The following ACOXL variants were observed in gnomAD, a reference collection of about 807,000 sequenced individuals.
The protein encoded by ACOXL is acyl-coenzyme A oxidase-like protein.
Under a neutral mutation model 71.9 loss-of-function variants are expected in ACOXL, and 70 were observed. The observed-to-expected ratio is 0.97, with a 90% CI of 0.80 to 1.19. The LOEUF is 1.19. Ranked by LOEUF, ACOXL falls within the 50% of genes most tolerant of loss-of-function variation. The pLI, the probability that ACOXL is intolerant of heterozygous loss-of-function variation, is 0.00. For synonymous variants in ACOXL, 253 were observed against 281.6 expected (o/e 0.90, Z 1.02); for missense variants, 703 against 736.3 (o/e 0.95, Z 0.52).
At chr2:111,091,854 A>C (rs570440569) in intron 16 of ACOXL, among the ~76,000 whole-genome samples, 1 of 152,346 alleles carries the variant, frequency 6.6e-6, no homozygotes. Flanking sequence ...GATACGCCAG[A>C]ACCCCAAGAA....
rs575668208 is a variant in ACOXL at position 111,015,421 on chromosome 2, C to G, written c.1282-16206C>G. Among the ~76,000 whole-genome samples the G allele has an allele frequency of 2.0e-5, 3 of 152,216 alleles. No homozygotes were observed. In the East Asian group the frequency reaches 5.8e-4, roughly 29 times the overall value. On this transcript the variant is annotated intron_variant, in intron 14 of 17. Transcript: ENST00000439055. ...GGAAATTAAAACCACAGTGAAACAC[C>G]ACGACACACCCACTGAAATGATTAA...
At position 111,047,017 on chromosome 2, in the gene ACOXL, G is replaced by C. The variant is rs143919830; in HGVS notation, c.1370-2201G>C. On this transcript the variant is annotated intron_variant, in intron 15 of 17. Coordinates refer to ENST00000439055, the MANE Select transcript of ACOXL (RefSeq NM_001142807.4). ...CAGAAATCAAAGTGGCAGCACTACT[G>C]TGGGAAAGTGGTGCATCCAAGGGAC... Among the ~76,000 whole-genome samples the C allele has an allele frequency of 5.8e-4, 88 of 152,336 alleles. 2 individuals are homozygous for C. In the East Asian group the frequency reaches 0.013, roughly 22 times the overall value.
intron 12 of ACOXL, chr2:110,963,820 C>T: frequency 6.9e-7 from 1 of 1,444,984 alleles, no homozygotes; most frequent in East Asian, 2.4e-5. Context: ...AGGTGCTTTC[C>T]TGTTAGGCAC....
chr2:110,781,156 C>G (rs1386582466), intron 2 of ACOXL, among the ~76,000 whole-genome samples: 1 of 152,220 alleles, frequency 6.6e-6, no homozygotes, highest in Non-Finnish European at 1.5e-5. Context: ...GATGGTTACA[C>G]AGGTAGATAA....
intron 10 of ACOXL, among the ~76,000 whole-genome samples, chr2:110,841,878 T>C (rs1346090852): frequency 6.6e-6 from 1 of 152,206 alleles, no homozygotes; most frequent in Non-Finnish European, 1.5e-5. Flanking sequence ...ATTTCTGTCT[T>C]GGTCTCTACT....
chr2:110,832,424 G>A (rs1031824826), intron 9 of ACOXL, among the ~76,000 whole-genome samples: 6 of 151,782 alleles, frequency 4.0e-5, no homozygotes, highest in Non-Finnish European at 7.4e-5. Context: ...TGTAGTCCCA[G>A]CTACTCGGGA....
intron 10 of ACOXL, among the ~76,000 whole-genome samples, chr2:110,881,913 G>A (rs4849164): frequency 0.33 from 50,564 of 151,262 alleles, 8,575 homozygotes; most frequent in Middle Eastern, 0.39. Flanking sequence ...TTGGGGAGCT[G>A]TTTCCAATAA....
At chr2:110,926,615 T>C (rs979789422) in intron 11 of ACOXL, among the ~76,000 whole-genome samples, 7 of 152,184 alleles carry the variant, frequency 4.6e-5, no homozygotes, top group African/African-American at 1.4e-4. Flanking sequence ...GAGTGAATAT[T>C]TGAACATGCT....
chr2:110,844,466 C>T (rs1326904951), intron 10 of ACOXL, among the ~76,000 whole-genome samples: 1 of 152,108 alleles, frequency 6.6e-6, no homozygotes. Flanking sequence ...GGCTTTTCTT[C>T]CCCTCGGCCA....
rs188216052 is a variant in ACOXL at position 111,063,771 on chromosome 2, C to T, written c.1440+14483C>T. Among the ~76,000 whole-genome samples the T allele has an allele frequency of 4.6e-5, 7 of 152,214 alleles. No homozygotes were observed. In the East Asian group the frequency reaches 1.4e-3, roughly 29 times the overall value. On this transcript the variant is annotated intron_variant, in intron 16 of 17. Transcript: ENST00000439055. ...TCAATGTAGTACTAGGAGTTCTAGC[C>T]AGTGCAATAAGGCAAGATACAGAAA...
chr2:110,957,183 G>A (rs1331886768), intron 12 of ACOXL, among the ~76,000 whole-genome samples: 12 of 147,666 alleles, frequency 8.1e-5, no homozygotes, highest in Admixed American at 1.4e-4. Context: ...ACCACCCATC[G>A]ACCCCACCAA....
chr2:110,943,190 G>A lies in ACOXL; in HGVS notation c.1059+9548G>A, dbSNP rs1156331560. 2.8e-5 allele frequency among the ~76,000 whole-genome samples: 4 copies of A among 144,748 alleles called. No individual in the cohort carries two copies. In the East Asian group the frequency reaches 8.3e-4, roughly 30 times the overall value. The allele number at this position is 144,748 out of a possible 152,430, so 95.0% of individuals were successfully genotyped here. On this transcript the variant is annotated intron_variant, in intron 12 of 17. Coordinates refer to ENST00000439055, the MANE Select transcript of ACOXL (RefSeq NM_001142807.4). The stretch of plus-strand genomic sequence containing the variant: ...AAAGGGAGGGAGGGAAAGAAGGAAG[G>A]AAGGAAAGAGAAAGGAAAGGAAGAA...
At chr2:110,855,652 C>T (rs903718042) in intron 10 of ACOXL, among the ~76,000 whole-genome samples, 1 of 152,162 alleles carries the variant, frequency 6.6e-6, no homozygotes. Flanking sequence ...CAATTTTGTT[C>T]TGAAAATATT....
intron 2 of ACOXL, among the ~76,000 whole-genome samples, chr2:110,781,394 C>T (rs906609305): frequency 7.9e-5 from 12 of 152,118 alleles, no homozygotes; most frequent in African/African-American, 2.9e-4. Flanking sequence ...GTAATCCCAG[C>T]ACTTTGGGAG....
At chr2:110,749,541 C>T (rs1678655626) in intron 1 of ACOXL, among the ~76,000 whole-genome samples, 1 of 152,182 alleles carries the variant, frequency 6.6e-6, no homozygotes, top group African/African-American at 2.4e-5. Context: ...GCTTGGCCAA[C>T]ATGGCGAAAC....
chr2:110,920,219 C>T (rs1278765032), intron 11 of ACOXL, among the ~76,000 whole-genome samples: 2 of 152,148 alleles, frequency 1.3e-5, no homozygotes, highest in Non-Finnish European at 2.9e-5. Flanking sequence ...TGCATCCTTG[C>T]CAGCCATTGT....
At chr2:110,979,470 C>A (rs1200691017) in intron 12 of ACOXL, among the ~76,000 whole-genome samples, 1 of 152,178 alleles carries the variant, frequency 6.6e-6, no homozygotes, top group Non-Finnish European at 1.5e-5. Context: ...GTGCCCGTGG[C>A]CCAGCTGTAT....
At chr2:110,788,809 T>C (rs537309523) in intron 3 of ACOXL, among the ~76,000 whole-genome samples, 1 of 152,318 alleles carries the variant, frequency 6.6e-6, no homozygotes, top group African/African-American at 2.4e-5. Flanking sequence ...AGGAGGACCA[T>C]GGCTGTCTTT....
At chr2:110,864,769 T>G (rs1694358911) in intron 10 of ACOXL, among the ~76,000 whole-genome samples, 1 of 152,234 alleles carries the variant, frequency 6.6e-6, no homozygotes, top group African/African-American at 2.4e-5. Flanking sequence ...AGTCCACTTT[T>G]TGGCCCTGTG....
Sources: gnomAD v4.1 joint callset for allele counts (sites outside exome capture counted in the v4.1 genomes callset) on GRCh38, gnomAD v4.1.1 for gene constraint, MANE v1.5 for transcripts, NCBI Gene and HGNC (gene_info 2026-07-23, HGNC 2026-07-21) for gene names.